The following MYH6 variants were observed in gnomAD, a reference collection of about 807,000 sequenced individuals.
MYH6 encodes myosin heavy chain 6.
A neutral mutation model predicts 223.2 loss-of-function variants in MYH6; 126 were observed. That is an observed-to-expected ratio of 0.56 (90% CI 0.49 to 0.65). MYH6 has a LOEUF of 0.65. Among genes scored for constraint, MYH6 ranks in the 30% least tolerant of loss-of-function variants. MYH6 has a pLI of 0.00. For synonymous variants in MYH6, 978 were observed against 1,010.2 expected (o/e 0.97, Z 0.61); for missense variants, 2,040 against 2,536.4 (o/e 0.80, Z 4.20).
intron 20 of MYH6, 138 bp downstream of exon 20, chr14:23,396,146 A>T: frequency 9.8e-7 from 1 of 1,015,680 alleles, no homozygotes; most frequent in South Asian, 1.4e-5. Flanking sequence ...AAGAATTTGC[A>T]ATGAGATTCG....
Position 23,384,442 on chromosome 14 carries a change from C to T in MYH6, c.5565G>A (p.Gln1855=). 1 of 1,610,332 alleles carries T rather than the reference C, an allele frequency of 6.2e-7. No individual in the cohort carries two copies. The highest frequency in any genetic ancestry group is 1.1e-5 in the South Asian group (1 of 91,070). The change falls in exon 36 of 39, where the codon CAG becomes CAA. Residue 1855 remains glutamine (Q), a splice_region_variant and synonymous_variant. Transcript: ENST00000405093. Reference sequence around the variant, plus strand: ...TCCTGGTGTCTGGCGTCCGCCGCACCTGGTAGGTGAGCTCCTTGATGCGCC... The same window carrying T: ...TCCTGGTGTCTGGCGTCCGCCGCACTTGGTAGGTGAGCTCCTTGATGCGCC... ...SERRIKELTY[Q]TEEDKKNLLR... is the part of the protein sequence containing the mutation.
In MYH6 at chr14:23,393,645, GC is replaced by G; in HGVS notation, c.2928+20del. The G allele has an allele frequency of 1.2e-6, 2 of 1,614,194 alleles. No homozygotes were observed. Among genetic ancestry groups the G allele is most frequent in the Non-Finnish European group, 1.7e-6 (2 of 1,180,032 alleles). Reference sequence around the variant, plus strand: ...GAGTCTTGAGGAGACCTGGGCTGAAGCCAGAGGGAGCTGCCCTCACCTTGTT... The same window carrying G: ...GAGTCTTGAGGAGACCTGGGCTGAAGCAGAGGGAGCTGCCCTCACCTTGTT... On this transcript the variant is annotated intron_variant, in intron 22 of 38. Coordinates refer to ENST00000405093, the MANE Select transcript of MYH6 (RefSeq NM_002471.4).
chr14:23,400,490 C>T (rs1316961901), intron 13 of MYH6, 64 bp from the exon 14 acceptor site: 1 of 1,612,090 alleles, frequency 6.2e-7, no homozygotes. Context: ...TGGGGCTGTG[C>T]CCGTGCACTG....
At chr14:23,389,857 G>C (rs978087463) in intron 26 of MYH6, 138 bp from the exon 27 acceptor site, 5 of 1,531,456 alleles carry the variant, frequency 3.3e-6, no homozygotes, top group Non-Finnish European at 4.5e-6. Context: ...TCTGAAGAGA[G>C]ACTTGAATTA....
Position 23,389,072 on chromosome 14 carries a change from G to GGGGGGGGGGGGCC in MYH6, c.3979-18_3979-17insGGCCCCCCCCCCC. The GGGGGGGGGGGGCC allele has an allele frequency of 4.4e-6, 5 of 1,135,154 alleles. No homozygotes were observed. Among genetic ancestry groups the GGGGGGGGGGGGCC allele is most frequent in the Non-Finnish European group, 3.9e-6 (3 of 774,136 alleles). The allele number at this position is 1,135,154 out of a possible 1,614,324, so 70.3% of individuals were successfully genotyped here. On this transcript the variant is annotated splice_polypyrimidine_tract_variant and intron_variant, in intron 28 of 38. Coordinates refer to ENST00000405093, the MANE Select transcript of MYH6 (RefSeq NM_002471.4). ...GTTCTTCGCCTGGGGAGGGGGGGGG[G>GGGGGGGGGGGGCC]CACCAGGAGGTGGGAGGGACTCCCT... is the stretch of plus-strand genomic sequence containing the variant.
In MYH6 at chr14:23,405,436, G is replaced by C; in HGVS notation, c.346-57C>G. The C allele has an allele frequency of 1.2e-6, 2 of 1,612,512 alleles. No individual in the cohort carries two copies. The highest frequency in any genetic ancestry group is 1.7e-6 in the Non-Finnish European group (2 of 1,178,664). On this transcript the variant is annotated intron_variant, in intron 4 of 38. Coordinates refer to ENST00000405093, the MANE Select transcript of MYH6 (RefSeq NM_002471.4). This position sits in a 1 kb window ranked among gnomAD's most constrained non-coding sequence, Gnocchi z 4.7. ...TGGTGGGGAGAGCCTGGGACAGGCA[G>C]TGGTGGCAGCCAGGCATGTCCCTGT...
chr14:23,392,883 A>G (rs1891278116), intron 24 of MYH6, 29 bp downstream of exon 24: 1 of 1,611,946 alleles, frequency 6.2e-7, no homozygotes, highest in African/African-American at 1.3e-5. Context: ...CACCTCCATT[A>G]GCCCCTCCTG....
intron 15 of MYH6, among the ~76,000 whole-genome samples, chr14:23,397,952 CTTCTTCTTCT>C (rs1891464494): frequency 8.8e-5 from 8 of 91,232 alleles, no homozygotes; most frequent in African/African-American, 3.4e-4. Context: ...TCTTCTTCTT[CTTCTTCTTCT>C]TCTTCTTCTT....
At chr14:23,406,862 A>G (rs1277649011) in intron 3 of MYH6, among the ~76,000 whole-genome samples, 161 bp downstream of exon 3, 1 of 152,078 alleles carries the variant, frequency 6.6e-6, no homozygotes, top group Non-Finnish European at 1.5e-5. Context: ...GGTCAATTTG[A>G]GAGGGATCAG....
intron 37 of MYH6, 22 bp downstream of exon 37, chr14:23,383,203 G>A: frequency 1.3e-6 from 2 of 1,594,164 alleles, no homozygotes; most frequent in Non-Finnish European, 8.6e-7. Flanking sequence ...TGATGAGAAA[G>A]GGAAGAAAGC....
chr14:23,404,565 G>A lies in MYH6; in HGVS notation c.642+146C>T. 3.8e-6 allele frequency: 4 copies of A among 1,061,668 alleles called. No individual in the cohort carries two copies. In the Admixed American group the frequency reaches 7.8e-5, roughly 21 times the overall value. 65.8% of individuals were successfully genotyped at this position (1,061,668 alleles called of 1,614,324 possible). On this transcript the variant is annotated intron_variant, in intron 7 of 38. Transcript: ENST00000405093. Reference sequence around the variant, plus strand: ...CCTCAGGGTGAGTGTCTCCTGTCAGGAAGGTCTTCCATACTGGGCTGACCA... The same window carrying A: ...CCTCAGGGTGAGTGTCTCCTGTCAGAAAGGTCTTCCATACTGGGCTGACCA...
intron 28 of MYH6, 131 bp downstream of exon 28, chr14:23,389,261 AG>A (rs1891151083): frequency 1.6e-5 from 19 of 1,202,520 alleles, no homozygotes; most frequent in Non-Finnish European, 2.2e-5. Context: ...GCTTAGCTGC[AG>A]GGCAGAACCT....
At chr14:23,392,450 A>C (rs895267026) in intron 25 of MYH6, 112 bp downstream of exon 25, 3 of 871,854 alleles carry the variant, frequency 3.4e-6, no homozygotes, top group African/African-American at 3.3e-5. Flanking sequence ...GGTTGGGTCT[A>C]TGAGGCTGCC....
Position 23,383,339 on chromosome 14 carries a change from G to GGGGGGGCCCCCCCCCCCCCCC in MYH6, c.5566-20_5566-19insGGGGGGGGGGGGGGGCCCCCC. 2 of 108,192 alleles carry GGGGGGGCCCCCCCCCCCCCCC rather than the reference G, an allele frequency of 1.8e-5. No individual in the cohort carries two copies. Among genetic ancestry groups the GGGGGGGCCCCCCCCCCCCCCC allele is most frequent in the Non-Finnish European group, 3.7e-5 (2 of 54,378 alleles). 6.7% of individuals were successfully genotyped at this position (108,192 alleles called of 1,614,324 possible). A position where few individuals can be genotyped will look rare whatever the true frequency, so the allele number is the denominator to read the frequency against. On this transcript the variant is annotated intron_variant, in intron 36 of 38. Transcript: ENST00000405093. ...CCTCTGTCTGGGGGTGGGAGGGTGG[G>GGGGGGGCCCCCCCCCCCCCCC]AGAAGCTGGTTTGGAGGGGGAGCAA...
At chr14:23,383,731 C>T (rs1177056731) in intron 36 of MYH6, among the ~76,000 whole-genome samples, 1 of 152,162 alleles carries the variant, frequency 6.6e-6, no homozygotes, top group African/African-American at 2.4e-5. Context: ...TATCATAATC[C>T]AGATTATTCT....
At chr14:23,392,217 T>C (rs1300140160) in intron 25 of MYH6, among the ~76,000 whole-genome samples, 1 of 151,914 alleles carries the variant, frequency 6.6e-6, no homozygotes, top group African/African-American at 2.4e-5. Context: ...CTTTTTTTTT[T>C]TTCACCCTGC....
In MYH6 at chr14:23,383,339, G is replaced by GCCCCCCCCCC. The variant is rs1890918376; in HGVS notation, c.5566-20_5566-19insGGGGGGGGGG. 1 of 108,180 alleles carries GCCCCCCCCCC rather than the reference G, an allele frequency of 9.2e-6. No individual in the cohort carries two copies. The allele number at this position is 108,180 out of a possible 1,614,324, so 6.7% of individuals were successfully genotyped here. A position where few individuals can be genotyped will look rare whatever the true frequency, so the allele number is the denominator to read the frequency against. ...CCTCTGTCTGGGGGTGGGAGGGTGG[G>GCCCCCCCCCC]AGAAGCTGGTTTGGAGGGGGAGCAA... On this transcript the variant is annotated intron_variant, in intron 36 of 38. Transcript: ENST00000405093.
At chr14:23,392,848 C>G in intron 24 of MYH6, 64 bp downstream of exon 24, 1 of 1,604,476 alleles carries the variant, frequency 6.2e-7, no homozygotes, top group Non-Finnish European at 8.5e-7. Context: ...GGCGCAGCAC[C>G]CTGCACTCTA....
intron 12 of MYH6, 111 bp downstream of exon 12, chr14:23,402,353 C>T: frequency 1.3e-6 from 2 of 1,541,236 alleles, no homozygotes; most frequent in South Asian, 2.3e-5. Flanking sequence ...CTCACCATCC[C>T]ACAACACACC....
Sources: gnomAD v4.1 joint callset for allele counts (sites outside exome capture counted in the v4.1 genomes callset) on GRCh38, gnomAD v4.1.1 for gene constraint, Gnocchi (gnomAD v3.1) non-coding constraint, MANE v1.5 for transcripts, NCBI Gene and HGNC (gene_info 2026-07-23, HGNC 2026-07-21) for gene names.